The following C6orf118 variants were observed in gnomAD, a reference collection of about 807,000 sequenced individuals.
The protein encoded by C6orf118 is chromosome 6 open reading frame 118, also known as uncharacterized protein C6orf118.
A neutral mutation model predicts 50.2 loss-of-function variants in C6orf118; 50 were observed. That is an observed-to-expected ratio of 1.00 (90% CI 0.79 to 1.26). The LOEUF is 1.26. C6orf118 is among the 50% of genes most tolerant of loss of function. The probability of loss-of-function intolerance (pLI) is 0.00; values close to 1 mark genes in which losing one functional copy is unlikely to be tolerated. For missense variants in C6orf118, 641 were observed against 578.7 expected, an observed-to-expected ratio of 1.11 and a Z score of -1.10; for synonymous variants, 239 against 230.9, an observed-to-expected ratio of 1.03 and a Z score of -0.32.
At chr6:165,282,910 C>A (rs1420322024) in intron 7 of C6orf118, among the ~76,000 whole-genome samples, 1 of 152,000 alleles carries the variant, frequency 6.6e-6, no homozygotes, top group African/African-American at 2.4e-5. Context: ...TTATATCATG[C>A]TTCAATATTT....
At chr6:165,285,998 GA>G (rs901413076) in intron 7 of C6orf118, among the ~76,000 whole-genome samples, 5 of 146,688 alleles carry the variant, frequency 3.4e-5, no homozygotes, top group South Asian at 4.3e-4. Context: ...TGGTTTTTTT[GA>G]AAAAAAAATT....
rs766442426 is a variant in C6orf118, at chr6:165,301,778, A to G, written c.544T>C (p.Leu182=). 1.9e-6 allele frequency: 3 copies of G among 1,614,030 alleles called. No individual in the cohort carries two copies. The highest frequency in any genetic ancestry group is 1.7e-5 in the Admixed American group (1 of 60,010). ...GCCTCCTGGTAGCACAGCACCTTCA[A>G]GTCGGGCAGCCGGAGTTCTTCCCTC... ...RRREELRLPD[L]KVLCYQEAGS... is the part of the protein sequence containing the mutation. Residue 182 remains leucine (L), a synonymous_variant, in exon 2 of 9, where the codon TTG becomes CTG. Transcript: ENST00000230301.
intron 7 of C6orf118, chr6:165,282,071 C>T (rs902997228): frequency 1.9e-5 from 3 of 154,776 alleles, no homozygotes; most frequent in African/African-American, 7.2e-5. Flanking sequence ...TGATTATAAA[C>T]TGTAAGGGGA....
chr6:165,298,013 A>T lies in C6orf118; in HGVS notation c.1025T>A (p.Val342Glu), dbSNP rs762179848. The change falls in exon 5 of 9, where the codon GTG becomes GAG. Residue 342 changes from valine (V) to glutamate (E), a missense_variant. Physicochemically the swap from Val to Glu is moderately radical, Grantham distance 121. Transcript: ENST00000230301. ...DLAREELRML[V>E]TATKAALEQN... The stretch of plus-strand genomic sequence containing the variant: ...CTCCAGGGCTGCTTTTGTGGCTGTC[A>T]CGAGCATCCTCAGCTCTTCCCTGGC... 1 of 1,613,978 alleles carries T rather than the reference A, an allele frequency of 6.2e-7. No individual in the cohort carries two copies. Among genetic ancestry groups the T allele is most frequent in the Non-Finnish European group, 8.5e-7 (1 of 1,180,024 alleles).
chr6:165,290,134 G>T, intron 6 of C6orf118, 67 bp from the exon 7 acceptor site: 1 of 927,496 alleles, frequency 1.1e-6, no homozygotes, highest in Non-Finnish European at 1.6e-6. Context: ...ATAGCATTAT[G>T]TATTATTAAC....
intron 2 of C6orf118, 85 bp from the exon 3 acceptor site, chr6:165,300,571 AG>A: frequency 7.4e-7 from 1 of 1,351,462 alleles, no homozygotes; most frequent in East Asian, 2.4e-5. Flanking sequence ...GTGAGGACAC[AG>A]CTGCCATCAC....
At chr6:165,284,248 C>A (rs1779830914) in intron 7 of C6orf118, among the ~76,000 whole-genome samples, 1 of 151,598 alleles carries the variant, frequency 6.6e-6, no homozygotes, top group African/African-American at 2.4e-5. Flanking sequence ...GAATATCTTG[C>A]TGAAAAAAGG....
At position 165,279,881 on chromosome 6, in the gene C6orf118, C is replaced by T. The variant is rs959289677; in HGVS notation, c.*176G>A. 6.2e-5 allele frequency: 34 copies of T among 551,444 alleles called. No homozygotes were observed. The highest frequency in any genetic ancestry group is 1.3e-4 in the East Asian group (4 of 30,612). 34.2% of individuals were successfully genotyped at this position (551,444 alleles called of 1,614,324 possible). A position where few individuals can be genotyped will look rare whatever the true frequency, so the allele number is the denominator to read the frequency against. On this transcript the variant is annotated 3_prime_UTR_variant, in exon 9 of 9. Coordinates refer to ENST00000230301, the MANE Select transcript of C6orf118 (RefSeq NM_144980.4). ...ATGCAACAGAAACTAATCATGTGTA[C>T]GCATGTGTGTATTTCAGTATCCTGA...
At chr6:165,307,888 G>A (rs1195992571) in intron 1 of C6orf118, among the ~76,000 whole-genome samples, 4 of 152,174 alleles carry the variant, frequency 2.6e-5, no homozygotes, top group South Asian at 2.1e-4. Context: ...CACAAAGAGC[G>A]TCCATCACTC....
chr6:165,286,884 T>C (rs1365647664), intron 7 of C6orf118, among the ~76,000 whole-genome samples: 1 of 152,152 alleles, frequency 6.6e-6, no homozygotes, highest in African/African-American at 2.4e-5. Flanking sequence ...AAGAATGCCC[T>C]CGCTCACCAC....
intron 3 of C6orf118, 118 bp downstream of exon 3, chr6:165,300,246 G>C: frequency 8.2e-7 from 1 of 1,220,846 alleles, no homozygotes; most frequent in Non-Finnish European, 1.2e-6. Context: ...GATGGTCCCT[G>C]TCTGTAGAAG....
At chr6:165,290,631 A>AAGAAG (rs1780075431) in intron 6 of C6orf118, among the ~76,000 whole-genome samples, 1 of 152,178 alleles carries the variant, frequency 6.6e-6, no homozygotes, top group African/African-American at 2.4e-5. Context: ...TATGTTAAGA[A>AAGAAG]ATCGGTCAAA....
intron 1 of C6orf118, among the ~76,000 whole-genome samples, chr6:165,309,353 C>G (rs568234769): frequency 1.6e-4 from 24 of 152,378 alleles, no homozygotes; most frequent in Admixed American, 1.2e-3. Context: ...CGCGCACCCC[C>G]CACCTCTGTG....
rs993951211 is a variant in C6orf118 at position 165,283,412 on chromosome 6, G to C, written c.1303-1719C>G. Among the ~76,000 whole-genome samples the C allele has an allele frequency of 8.5e-5, 13 of 152,214 alleles. 1 individual carries two copies. The highest frequency in any genetic ancestry group is 3.1e-4 in the African/African-American group (13 of 41,464). On this transcript the variant is annotated intron_variant, in intron 7 of 8. Coordinates refer to ENST00000230301, the MANE Select transcript of C6orf118 (RefSeq NM_144980.4). ...GGGGTTTACAGACAGAATGTCTGCT[G>C]GCTCTGAAGAGTCTAGTCAGTCTGC...
rs1220457115 is a variant in C6orf118 at position 165,299,522 on chromosome 6, A to G, written c.877-20T>C. ...TTCATCCTGTACAGAAACAAACAAA[A>G]GTCCACTGGCCATGTATGAGGAGGC... On this transcript the variant is annotated intron_variant, in intron 3 of 8. Coordinates refer to ENST00000230301, the MANE Select transcript of C6orf118 (RefSeq NM_144980.4). The G allele has an allele frequency of 6.2e-7, 1 of 1,612,158 alleles. No individual in the cohort carries two copies. The highest frequency in any genetic ancestry group is 1.7e-5 in the Admixed American group (1 of 59,988).
At chr6:165,299,307 A>G (rs765568377) in intron 4 of C6orf118, 136 bp downstream of exon 4, 23 of 668,846 alleles carry the variant, frequency 3.4e-5, no homozygotes, top group Non-Finnish European at 5.4e-5. Flanking sequence ...CTCATCTATA[A>G]CAAAGAACAT....
chr6:165,303,155 T>C (rs975005385), intron 1 of C6orf118, among the ~76,000 whole-genome samples: 6 of 152,154 alleles, frequency 3.9e-5, no homozygotes, highest in Non-Finnish European at 4.4e-5. Flanking sequence ...CCTCTGTCCA[T>C]TGAGAAGCAA....
chr6:165,294,638 C>T (rs1780228917), intron 5 of C6orf118, among the ~76,000 whole-genome samples: 1 of 152,162 alleles, frequency 6.6e-6, no homozygotes, highest in Admixed American at 6.5e-5. Context: ...GTAATCCCAG[C>T]ACTTTGAATG....
chr6:165,281,501 C>T, intron 8 of C6orf118, 139 bp downstream of exon 8: 1 of 1,406,798 alleles, frequency 7.1e-7, no homozygotes. Context: ...CTTCACTGAT[C>T]TTTCCTATGA....
Sources: allele counts gnomAD v4.1 joint callset (sites outside exome capture counted in the v4.1 genomes callset), GRCh38; gene constraint gnomAD v4.1.1; transcripts MANE v1.5; gene names NCBI Gene and HGNC (gene_info 2026-07-23, HGNC 2026-07-21).